The following ZNF813 variants were observed in gnomAD, a reference collection of about 807,000 sequenced individuals.
ZNF813 encodes the protein zinc finger protein 813.
Under a neutral mutation model 7.2 loss-of-function variants are expected in ZNF813, and 3 were observed. That is an observed-to-expected ratio of 0.42 (90% confidence interval 0.19 to 1.08). The LOEUF (loss-of-function observed/expected upper bound fraction) is 1.08, where lower values mean the gene tolerates loss of function less well. Ranked by LOEUF, ZNF813 falls within the 50% of genes least tolerant of loss-of-function variation. The pLI is 0.30. For missense variants in ZNF813, 714 were observed against 753.3 expected (o/e 0.95, Z 0.61); for synonymous variants, 227 against 256.3 (o/e 0.89, Z 1.09).
chr19:53,485,542 T>C (rs2147160650), intron 2 of ZNF813, among the ~76,000 whole-genome samples: 1 of 151,434 alleles, frequency 6.6e-6, no homozygotes, highest in South Asian at 2.1e-4. Context: ...ATTATTTTGT[T>C]GACATATATG....
chr19:53,481,469 C>T (rs1312820584), intron 1 of ZNF813, among the ~76,000 whole-genome samples: 1 of 151,234 alleles, frequency 6.6e-6, no homozygotes, highest in East Asian at 1.9e-4. Context: ...GCCTCAGCCT[C>T]CCAAGTTGCT....
Position 53,493,272 on chromosome 19 carries a change from G to A in ZNF813, c.*1186G>A. On this transcript the variant is annotated 3_prime_UTR_variant, in exon 4 of 4. Transcript: ENST00000396403. Reference sequence around the variant, plus strand: ...ACAAAAACTGATAGGGATTTTTATGGGTACCGTGTTGAATCTAAATCACAT... The same window carrying A: ...ACAAAAACTGATAGGGATTTTTATGAGTACCGTGTTGAATCTAAATCACAT... 5.5e-6 allele frequency: 1 copy of A among 180,574 alleles called. No homozygotes were observed. Among genetic ancestry groups the A allele is most frequent in the Non-Finnish European group, 1.2e-5 (1 of 85,890 alleles). The allele number at this position is 180,574 out of a possible 1,614,324, so 11.2% of individuals were successfully genotyped here.
At chr19:53,485,065 A>G (rs2086425813) in intron 2 of ZNF813, among the ~76,000 whole-genome samples, 2 of 152,296 alleles carry the variant, frequency 1.3e-5, no homozygotes, top group South Asian at 4.1e-4. Context: ...TGTCAGAGCA[A>G]GTCTCATACA....
chr19:53,486,502 C>T (rs2708794), intron 2 of ZNF813, 130 bp from the exon 3 acceptor site: 124,646 of 1,552,082 alleles, frequency 0.08, 6,518 homozygotes, highest in African/African-American at 0.26. Flanking sequence ...TGGTGAAGAA[C>T]CCCTTACTCG....
chr19:53,486,673 G>A lies in ZNF813; in HGVS notation c.57G>A (p.Gln19=). 6.2e-7 allele frequency: 1 copy of A among 1,614,084 alleles called. No individual in the cohort carries two copies. The highest frequency in any genetic ancestry group is 8.5e-7 in the Non-Finnish European group (1 of 1,179,970). The part of the protein sequence containing the change: ...TFRDVAIEFS[Q]EEWKCLDPAQ... The stretch of plus-strand genomic sequence containing the variant: ...GGGATGTGGCCATAGAATTCTCTCA[G>A]GAGGAGTGGAAATGCCTGGACCCTG... The change falls in exon 3 of 4, where the codon CAG becomes CAA. Residue 19 remains glutamine, a synonymous_variant. Coordinates refer to ENST00000396403, the MANE Select transcript of ZNF813 (RefSeq NM_001004301.4).
At chr19:53,474,006 A>G (rs1457606376) in intron 1 of ZNF813, among the ~76,000 whole-genome samples, 1 of 152,176 alleles carries the variant, frequency 6.6e-6, no homozygotes, top group Non-Finnish European at 1.5e-5. Context: ...CCAATAGGCT[A>G]TGTGTAACTT....
Sources: allele counts gnomAD v4.1 joint callset (sites outside exome capture counted in the v4.1 genomes callset), GRCh38; gene constraint gnomAD v4.1.1; transcripts MANE v1.5; gene names NCBI Gene and HGNC (gene_info 2026-07-23, HGNC 2026-07-21).